Variants in MYT1L observed in about 807,000 individuals in gnomAD.
The protein encoded by MYT1L is myelin transcription factor 1-like protein.
A neutral mutation model predicts 126.7 loss-of-function variants in MYT1L; 12 were observed. The observed-to-expected ratio is 0.09, with a 90% CI of 0.06 to 0.15. MYT1L has a LOEUF of 0.15. Among genes scored for constraint, MYT1L ranks in the 10% least tolerant of loss-of-function variants. The pLI is 1.00. For missense variants in MYT1L, 979 were observed against 1,585.2 expected (o/e 0.62, Z 6.49); for synonymous variants, 541 against 604.2 (o/e 0.90, Z 1.53).
chr2:2,325,681 A>C (rs1485205880), intron 1 of MYT1L: 4 of 152,266 alleles, frequency 2.6e-5, no homozygotes, highest in Non-Finnish European at 5.9e-5. Context: ...ACGTTAAATC[A>C]TAAAGGCTAC....
At chr2:2,140,344 G>A (rs960926688) in intron 3 of MYT1L, among the ~76,000 whole-genome samples, 13 of 150,138 alleles carry the variant, frequency 8.7e-5, no homozygotes, top group African/African-American at 3.2e-4. Context: ...TAAAAAAGCT[G>A]TTTAACAGTG....
chr2:2,104,588 A>G (rs1575183366), intron 3 of MYT1L, among the ~76,000 whole-genome samples: 1 of 152,224 alleles, frequency 6.6e-6, no homozygotes, highest in African/African-American at 2.4e-5. Flanking sequence ...GGGGCCAGAG[A>G]GGCATCCCTG....
chr2:2,193,050 CCTCCTGCCTCAGTGATT>C (rs894740468), intron 2 of MYT1L, among the ~76,000 whole-genome samples: 7 of 152,114 alleles, frequency 4.6e-5, no homozygotes, highest in South Asian at 4.2e-4. Context: ...GCAACCTCTG[CCTCCTGCCTCAGTGATT>C]CTCCTGCCTC....
intron 2 of MYT1L, among the ~76,000 whole-genome samples, chr2:2,212,711 G>T (rs1310261747): frequency 6.6e-6 from 1 of 152,102 alleles, no homozygotes. Context: ...CATTTCTCTA[G>T]TATCGTGTAG....
intron 4 of MYT1L, among the ~76,000 whole-genome samples, chr2:2,047,698 C>T (rs1178395350): frequency 2.0e-5 from 3 of 152,206 alleles, no homozygotes; most frequent in African/African-American, 4.8e-5. Flanking sequence ...ACGAAGTCTA[C>T]ATACAACAAG....
chr2:2,253,908 C>G (rs1263387507), intron 2 of MYT1L, among the ~76,000 whole-genome samples: 1 of 152,142 alleles, frequency 6.6e-6, no homozygotes, highest in East Asian at 1.9e-4. Flanking sequence ...AACTTTCATC[C>G]TAAGCTTATT....
chr2:2,133,578 A>G (rs2082654443), intron 3 of MYT1L, among the ~76,000 whole-genome samples: 1 of 152,196 alleles, frequency 6.6e-6, no homozygotes, highest in African/African-American at 2.4e-5. Flanking sequence ...TGAAGGCAAA[A>G]TATTTTTATT....
intron 3 of MYT1L, among the ~76,000 whole-genome samples, chr2:2,078,620 C>T (rs2075473908): frequency 6.6e-6 from 1 of 152,098 alleles, no homozygotes; most frequent in Non-Finnish European, 1.5e-5. Flanking sequence ...AGAAGAGGTT[C>T]AATGAGTCAA....
At position 2,185,875 on chromosome 2, in the gene MYT1L, C is replaced by T. The variant is rs1308438059; in HGVS notation, c.-420-12887G>A. Among the ~76,000 whole-genome samples the T allele has an allele frequency of 1.6e-5, 2 of 126,282 alleles. 1 individual carries two copies. Among genetic ancestry groups the T allele is most frequent in the Non-Finnish European group, 3.3e-5 (2 of 60,650 alleles). 82.8% of individuals were successfully genotyped at this position (126,282 alleles called of 152,430 possible). A position where few individuals can be genotyped will look rare whatever the true frequency, so the allele number is the denominator to read the frequency against. Reference sequence around the variant, plus strand: ...CCGGGCCTCCCAGACGCCCGCGTTCCTTACGTGAGGGGGACGCAGCCGGGC... The same window carrying T: ...CCGGGCCTCCCAGACGCCCGCGTTCTTTACGTGAGGGGGACGCAGCCGGGC... On this transcript the variant is annotated intron_variant, in intron 2 of 24. Transcript: ENST00000647738.
intron 4 of MYT1L, among the ~76,000 whole-genome samples, chr2:2,012,676 G>A (rs1043059903): frequency 2.6e-5 from 4 of 152,128 alleles, no homozygotes; most frequent in African/African-American, 4.8e-5. Flanking sequence ...TTGTGTGCTC[G>A]TGATGAAATC....
chr2:2,009,219 C>T (rs1239169656), intron 4 of MYT1L, among the ~76,000 whole-genome samples: 3 of 150,172 alleles, frequency 2.0e-5, no homozygotes, highest in African/African-American at 7.3e-5. Flanking sequence ...GGATATTTTC[C>T]CAATTTCTGT....
At chr2:2,140,426 C>CTTTTCCTTT (rs2083774224) in intron 3 of MYT1L, among the ~76,000 whole-genome samples, 1 of 133,420 alleles carries the variant, frequency 7.5e-6, no homozygotes, top group African/African-American at 2.8e-5. Context: ...TTTTTTCTTT[C>CTTTTCCTTT]TTTTTCTTTT....
At chr2:1,856,155 T>G (rs1373672487) in intron 18 of MYT1L, among the ~76,000 whole-genome samples, 1 of 152,216 alleles carries the variant, frequency 6.6e-6, no homozygotes, top group African/African-American at 2.4e-5. Context: ...CAGAAGCATT[T>G]GGAACTCTGA....
At chr2:2,165,909 AT>A (rs1161318058) in intron 3 of MYT1L, among the ~76,000 whole-genome samples, 3 of 151,526 alleles carry the variant, frequency 2.0e-5, no homozygotes, top group Non-Finnish European at 4.4e-5. Context: ...TTGTAAAAAA[AT>A]AAAATCTTTT....
At chr2:1,933,793 C>G (rs1356113747) in intron 9 of MYT1L, among the ~76,000 whole-genome samples, 3 of 152,070 alleles carry the variant, frequency 2.0e-5, no homozygotes, top group Non-Finnish European at 4.4e-5. Context: ...GTGCCATGAG[C>G]CACATAGGCC....
chr2:2,044,325 A>G (rs1195073886), intron 4 of MYT1L, among the ~76,000 whole-genome samples: 1 of 152,242 alleles, frequency 6.6e-6, no homozygotes, highest in East Asian at 1.9e-4. Flanking sequence ...AGCTAACTAT[A>G]TCTGAAGTTA....
rs1381603713 is a variant in MYT1L at position 1,811,208 on chromosome 2, G to C, written c.3081-2041C>G. The C allele has an allele frequency of 6.6e-6, 1 of 152,182 alleles. No individual in the cohort carries two copies. The highest frequency in any genetic ancestry group is 2.4e-5 in the African/African-American group (1 of 41,440). The allele number at this position is 152,182 out of a possible 1,614,324, so 9.4% of individuals were successfully genotyped here. A position where few individuals can be genotyped will look rare whatever the true frequency, so the allele number is the denominator to read the frequency against. ...TGGTTTCTATGCTGCCCAAGGTATG[G>C]TATTTGTTTTTGCAGCCCTGGAACG... On this transcript the variant is annotated intron_variant, in intron 21 of 24. Coordinates refer to ENST00000647738, the MANE Select transcript of MYT1L (RefSeq NM_001303052.2). This position sits in a 1 kb window ranked among gnomAD's most constrained non-coding sequence, Gnocchi z 4.4.
At chr2:1,850,853 G>A (rs185747466) in intron 19 of MYT1L, among the ~76,000 whole-genome samples, 4 of 152,136 alleles carry the variant, frequency 2.6e-5, no homozygotes, top group Non-Finnish European at 5.9e-5. Flanking sequence ...CTGCTCCTTG[G>A]TTGTAAATCC....
In MYT1L at chr2:1,947,388, C is replaced by T. The variant is rs540191871; in HGVS notation, c.153-4054G>A. 2.0e-5 allele frequency among the ~76,000 whole-genome samples: 3 copies of T among 152,310 alleles called. No individual in the cohort carries two copies. In the South Asian group the frequency reaches 6.2e-4, roughly 32 times the overall value. On this transcript the variant is annotated intron_variant, in intron 8 of 24. Transcript: ENST00000647738. Reference sequence around the variant, plus strand: ...TAGAAGTGAGCACAACTGGGCTTCACTCATGATCACCTGGGACAGCTGAGA... The same window carrying T: ...TAGAAGTGAGCACAACTGGGCTTCATTCATGATCACCTGGGACAGCTGAGA...
Sources: gnomAD v4.1 joint callset for allele counts (sites outside exome capture counted in the v4.1 genomes callset) on GRCh38, gnomAD v4.1.1 for gene constraint, Gnocchi (gnomAD v3.1) non-coding constraint, MANE v1.5 for transcripts, NCBI Gene and HGNC (gene_info 2026-07-23, HGNC 2026-07-21) for gene names.